CAPS2: variants seen among roughly 807,000 people sequenced by gnomAD.
The protein encoded by CAPS2 is calcyphosin-2.
Under a neutral mutation model 86.5 loss-of-function variants are expected in CAPS2, and 98 were observed. That is an observed-to-expected ratio of 1.13 (90% confidence interval 0.96 to 1.34). The LOEUF is 1.34. CAPS2 is among the 40% of genes most tolerant of loss of function. The pLI, the probability that CAPS2 is intolerant of heterozygous loss-of-function variation, is 0.00. For synonymous variants in CAPS2, 210 were observed against 225.1 expected, an observed-to-expected ratio of 0.93 and a Z score of 0.60; for missense variants, 729 against 686.8, an observed-to-expected ratio of 1.06 and a Z score of -0.69.
At chr12:75,366,953 A>C (rs1408689113) in intron 1 of CAPS2, 1 of 701,764 alleles carries the variant, frequency 1.4e-6, no homozygotes, top group African/African-American at 1.7e-5. Flanking sequence ...GTCCCCAGTC[A>C]CCCAAGGGGC....
intron 8 of CAPS2, among the ~76,000 whole-genome samples, chr12:75,301,060 G>C (rs1383961617): frequency 6.6e-6 from 1 of 152,116 alleles, no homozygotes; most frequent in African/African-American, 2.4e-5. Flanking sequence ...TCTCATAAAG[G>C]CTGCCAGCCC....
At chr12:75,376,929 C>A (rs2044681139) in intron 1 of CAPS2, among the ~76,000 whole-genome samples, 1 of 152,138 alleles carries the variant, frequency 6.6e-6, no homozygotes, top group Admixed American at 6.5e-5. Context: ...GAATTAGAAT[C>A]CCTGAGCTCA....
rs182385465 is a variant in CAPS2, at chr12:75,278,233, C to T, written c.*657G>A. Reference sequence around the variant, plus strand: ...AATAACTACATTGTGCTCTATTTAACCAACAACAGTACATAATTTAGAAGA... The same window carrying T: ...AATAACTACATTGTGCTCTATTTAATCAACAACAGTACATAATTTAGAAGA... On this transcript the variant is annotated 3_prime_UTR_variant, in exon 17 of 17. Coordinates refer to ENST00000393284, the Ensembl canonical transcript of CAPS2. 4.1e-6 allele frequency: 4 copies of T among 982,788 alleles called. No individual in the cohort carries two copies. The East Asian group carries it at 4.5e-4, about 112-fold the overall frequency. 60.9% of individuals were successfully genotyped at this position (982,788 alleles called of 1,614,324 possible). A position where few individuals can be genotyped will look rare whatever the true frequency, so the allele number is the denominator to read the frequency against.
intron 8 of CAPS2, among the ~76,000 whole-genome samples, chr12:75,301,921 T>C (rs1489485559): frequency 1.3e-5 from 2 of 152,180 alleles, no homozygotes; most frequent in African/African-American, 2.4e-5. Context: ...AGACTGAAGA[T>C]TAAAGTATGA....
chr12:75,375,515 T>C (rs1028575942), intron 1 of CAPS2, among the ~76,000 whole-genome samples: 1 of 152,160 alleles, frequency 6.6e-6, no homozygotes, highest in Non-Finnish European at 1.5e-5. Context: ...GTGGGGTCCT[T>C]CTTCAAGGGG....
intron 7 of CAPS2, among the ~76,000 whole-genome samples, chr12:75,308,204 C>T (rs2038731436): frequency 6.6e-6 from 1 of 152,186 alleles, no homozygotes; most frequent in East Asian, 1.9e-4. Context: ...TTTGTAACTT[C>T]ACTTCAGCTT....
intron 8 of CAPS2, among the ~76,000 whole-genome samples, chr12:75,300,274 C>T (rs1179059953): frequency 1.3e-5 from 2 of 151,860 alleles, no homozygotes; most frequent in African/African-American, 4.8e-5. Context: ...TTGCTCTTAG[C>T]GGCCGGGCGC....
At chr12:75,305,733 G>T in intron 7 of CAPS2, 2 of 693,196 alleles carry the variant, frequency 2.9e-6, no homozygotes, top group South Asian at 2.7e-5. Flanking sequence ...TGGTACATGC[G>T]GGTCAAGGAC....
chr12:75,318,445 C>A (rs777645805), intron 5 of CAPS2, among the ~76,000 whole-genome samples: 1 of 152,082 alleles, frequency 6.6e-6, no homozygotes, highest in African/African-American at 2.4e-5. Context: ...GCTTGCGTGG[C>A]GTCCCTGATC....
At chr12:75,376,297 C>T (rs2044644150) in intron 1 of CAPS2, among the ~76,000 whole-genome samples, 1 of 152,150 alleles carries the variant, frequency 6.6e-6, no homozygotes, top group Non-Finnish European at 1.5e-5. Flanking sequence ...ATGTTTCTTC[C>T]ACCATTATCC....
chr12:75,321,596 A>G lies in CAPS2; in HGVS notation c.292-20T>C. The G allele has an allele frequency of 6.6e-7, 1 of 1,515,078 alleles. No individual in the cohort carries two copies. Among genetic ancestry groups the G allele is most frequent in the Non-Finnish European group, 8.9e-7 (1 of 1,121,884 alleles). 93.9% of individuals were successfully genotyped at this position (1,515,078 alleles called of 1,614,324 possible). ...CTGATCCTATAGGTAAAAAGAAAAA[A>G]GCATGCTATCAGAAAAAAAAAGTAT... On this transcript the variant is annotated intron_variant, in intron 4 of 16. Coordinates refer to ENST00000393284, the Ensembl canonical transcript of CAPS2.
At chr12:75,342,382 G>C (rs931704053) in intron 1 of CAPS2, among the ~76,000 whole-genome samples, 1 of 151,994 alleles carries the variant, frequency 6.6e-6, no homozygotes, top group Admixed American at 6.5e-5. Flanking sequence ...GGGAAAAGTA[G>C]GTGAAGTCTA....
intron 1 of CAPS2, among the ~76,000 whole-genome samples, chr12:75,371,977 C>T (rs543832031): frequency 1.3e-5 from 2 of 152,286 alleles, no homozygotes; most frequent in African/African-American, 4.8e-5. Flanking sequence ...TCCTTACCTC[C>T]ATTAAGGAGT....
chr12:75,295,470 C>A (rs367574165), intron 11 of CAPS2, among the ~76,000 whole-genome samples: 1 of 152,116 alleles, frequency 6.6e-6, no homozygotes, highest in East Asian at 1.9e-4. Context: ...TGGACACATA[C>A]GATGTTCGCT....
At chr12:75,284,986 T>C (rs960789862) in exon 15 of CAPS2, 5 of 1,607,218 alleles carry the variant, frequency 3.1e-6, no homozygotes, top group South Asian at 1.1e-5. Flanking sequence ...TTTCCTGTAT[T>C]CATTCATTTC....
At chr12:75,296,936 T>G (rs1044846617) in intron 11 of CAPS2, among the ~76,000 whole-genome samples, 6 of 152,366 alleles carry the variant, frequency 3.9e-5, no homozygotes, top group African/African-American at 1.4e-4. Context: ...TGTAAAATGC[T>G]TACAATGCTA....
At chr12:75,281,660 C>T (rs1054660675) in intron 16 of CAPS2, among the ~76,000 whole-genome samples, 1 of 151,854 alleles carries the variant, frequency 6.6e-6, no homozygotes, top group African/African-American at 2.4e-5. Context: ...ATAATTTTGA[C>T]TTCTATGGAA....
At chr12:75,381,067 C>T (rs2044938777) in intron 1 of CAPS2, among the ~76,000 whole-genome samples, 2 of 152,170 alleles carry the variant, frequency 1.3e-5, no homozygotes, top group African/African-American at 4.8e-5. Flanking sequence ...CCACCCAAAT[C>T]TCAACTTGAA....
At chr12:75,327,731 T>G (rs1450486976), upstream of CAPS2, among the ~76,000 whole-genome samples, 3 of 151,362 alleles carry the variant, frequency 2.0e-5, no homozygotes, top group Non-Finnish European at 4.4e-5. Flanking sequence ...ATGAATTTAA[T>G]GTTAGTAATT....
Sources: allele counts gnomAD v4.1 joint callset (sites outside exome capture counted in the v4.1 genomes callset), GRCh38; gene constraint gnomAD v4.1.1; transcripts MANE v1.5; gene names NCBI Gene and HGNC (gene_info 2026-07-23, HGNC 2026-07-21).